CLSTN3: variants seen among roughly 807,000 people sequenced by gnomAD.
The protein encoded by CLSTN3 is calsyntenin 3, also known as calsyntenin-3.
A neutral mutation model predicts 95.9 loss-of-function variants in CLSTN3; 36 were observed. The ratio of observed to expected loss-of-function variants is 0.38; its 90% CI spans 0.29 to 0.50. The LOEUF (loss-of-function observed/expected upper bound fraction) is 0.50, where lower values mean the gene tolerates loss of function less well. Ranked by LOEUF, CLSTN3 falls within the 20% of genes least tolerant of loss-of-function variation. The pLI, the probability that CLSTN3 is intolerant of heterozygous loss-of-function variation, is 0.95. For missense variants in CLSTN3, 1,084 were observed against 1,268.8 expected (o/e 0.85, Z 2.21); for synonymous variants, 481 against 504.0 (o/e 0.95, Z 0.61).
Position 7,150,800 on chromosome 12 carries a change from T to C in CLSTN3, c.2391+111T>C. 1 of 1,554,224 alleles carries C rather than the reference T, an allele frequency of 6.4e-7. No individual in the cohort carries two copies. The highest frequency in any genetic ancestry group is 8.8e-7 in the Non-Finnish European group (1 of 1,141,168). On this transcript the variant is annotated intron_variant, in intron 15 of 17. Transcript: ENST00000266546. The surrounding 1 kb of genome is among the most constrained non-coding windows in gnomAD (Gnocchi z 4.0). ...GCATGGACATGGCAGCGTGGAGGGC[T>C]GCTGGACCTTGCAGTGGGTGGAGGA...
At chr12:7,143,425 G>A in intron 12 of CLSTN3, 114 bp downstream of exon 12, 2 of 1,210,700 alleles carry the variant, frequency 1.7e-6, no homozygotes, top group Non-Finnish European at 2.3e-6. Flanking sequence ...TATGGATGAG[G>A]AGATTGGGCC....
intron 4 of CLSTN3, 107 bp downstream of exon 4, chr12:7,135,642 C>T: frequency 7.3e-7 from 1 of 1,368,216 alleles, no homozygotes; most frequent in Non-Finnish European, 1.0e-6. Flanking sequence ...AGACCCTCAC[C>T]TCACCCTTCT....
At chr12:7,148,246 G>A (rs181900761) in intron 12 of CLSTN3, among the ~76,000 whole-genome samples, 15 of 152,220 alleles carry the variant, frequency 9.9e-5, no homozygotes, top group African/African-American at 3.6e-4. Flanking sequence ...ACTGGCAAGG[G>A]CTATTGATTG....
rs1311968279 is a variant in CLSTN3 at position 7,137,392 on chromosome 12, C to T, written c.1210+282C>T. 2 of 423,222 alleles carry T rather than the reference C, an allele frequency of 4.7e-6. No homozygotes were observed. The highest frequency in any genetic ancestry group is 4.4e-6 in the Non-Finnish European group (1 of 229,500). The allele number at this position is 423,222 out of a possible 1,614,324, so 26.2% of individuals were successfully genotyped here. ...CCATGTGGTAGGCTGTCCCCACCCC[C>T]CATCTCCACCTCCATTAAAGCCCCT... On this transcript the variant is annotated intron_variant, in intron 7 of 17. Transcript: ENST00000266546. This position sits in a 1 kb window ranked among gnomAD's most constrained non-coding sequence, Gnocchi z 4.4.
Position 7,157,677 on chromosome 12 carries a change from G to T in CLSTN3, c.2716G>T (p.Val906Leu). ...GGATGACTCAGCTCTCACCATCATTGTGAACCCCATGGAGGTGAGAGGCCT... is the reference window on the plus strand; with the variant it reads ...GGATGACTCAGCTCTCACCATCATTTTGAACCCCATGGAGGTGAGAGGCCT... The part of the protein sequence containing the change: ...FWDDSALTII[V>L]NPMESYQNRQ... The change falls in exon 17 of 18, where the codon GTG becomes TTG. Residue 906 changes from valine (V) to leucine (L), a missense_variant. Transcript: ENST00000266546. This position sits in a 1 kb window ranked among gnomAD's most constrained non-coding sequence, Gnocchi z 5.9. 2.5e-6 allele frequency: 4 copies of T among 1,590,968 alleles called. No individual in the cohort carries two copies. The highest frequency in any genetic ancestry group is 1.1e-5 in the South Asian group (1 of 88,030).
chr12:7,132,799 C>T, intron 1 of CLSTN3: 1 of 613,796 alleles, frequency 1.6e-6, no homozygotes, highest in East Asian at 2.7e-5. Flanking sequence ...TCCATGGGAA[C>T]TGTCTACCCT....
At position 7,149,830 on chromosome 12, in the gene CLSTN3, G is replaced by C. The variant is rs1468733393; in HGVS notation, c.2245+137G>C. ...CGTTTTGCATTTTCCTAGCCTGGAA[G>C]ATCCTCTGGCTTTGATTGTCCCTAG... On this transcript the variant is annotated intron_variant, in intron 14 of 17. Transcript: ENST00000266546. This position sits in a 1 kb window ranked among gnomAD's most constrained non-coding sequence, Gnocchi z 4.5. The C allele has an allele frequency of 2.6e-6, 2 of 775,522 alleles. No homozygotes were observed. Among genetic ancestry groups the C allele is most frequent in the Non-Finnish European group, 4.0e-6 (2 of 495,826 alleles). 48.0% of individuals were successfully genotyped at this position (775,522 alleles called of 1,614,324 possible).
At chr12:7,129,715 G>A (rs1939241903), upstream of CLSTN3, 14 of 985,362 alleles carry the variant, frequency 1.4e-5, no homozygotes, top group South Asian at 2.3e-4. This position sits in a 1 kb window ranked among gnomAD's most constrained non-coding sequence, Gnocchi z 5.5. Context: ...TCTCGAACCT[G>A]CCATCGTCCC....
Position 7,142,810 on chromosome 12 carries a change from G to A in CLSTN3, c.1541-59G>A, listed in dbSNP as rs139935656. On this transcript the variant is annotated intron_variant, in intron 10 of 17. Transcript: ENST00000266546. Reference sequence around the variant, plus strand: ...CTCCTTTCCCTTTCTCTCAGCCTTCGTCCTTTTCCATCCTCCTCTCTTCTC... The same window carrying A: ...CTCCTTTCCCTTTCTCTCAGCCTTCATCCTTTTCCATCCTCCTCTCTTCTC... 1.4e-4 allele frequency: 206 copies of A among 1,482,150 alleles called. 1 individual carries two copies. The African/African-American group carries it at 2.6e-3, about 19-fold the overall frequency. The allele number at this position is 1,482,150 out of a possible 1,614,324, so 91.8% of individuals were successfully genotyped here. A position where few individuals can be genotyped will look rare whatever the true frequency, so the allele number is the denominator to read the frequency against.
chr12:7,143,545 A>G (rs909116936), intron 12 of CLSTN3, among the ~76,000 whole-genome samples: 34 of 152,228 alleles, frequency 2.2e-4, no homozygotes, highest in African/African-American at 7.7e-4. Flanking sequence ...CTACCAAGTC[A>G]CACATCTAGG....
rs1939345506 is a variant in CLSTN3 at position 7,133,555 on chromosome 12, C to A, written c.188-18C>A. On this transcript the variant is annotated intron_variant, in intron 2 of 17. Coordinates refer to ENST00000266546, the MANE Select transcript of CLSTN3 (RefSeq NM_014718.4). This position sits in a 1 kb window ranked among gnomAD's most constrained non-coding sequence, Gnocchi z 4.7. ...GGAGACACAGCAGCCTCACTCCTCCCCTTCTCCCCTTTGCCAGGTGAGATC... is the reference window on the plus strand; with the variant it reads ...GGAGACACAGCAGCCTCACTCCTCCACTTCTCCCCTTTGCCAGGTGAGATC... The A allele has an allele frequency of 6.2e-7, 1 of 1,613,144 alleles. No individual in the cohort carries two copies. Among genetic ancestry groups the A allele is most frequent in the Non-Finnish European group, 8.5e-7 (1 of 1,179,602 alleles).
Position 7,158,367 on chromosome 12 carries a change from A to C in CLSTN3, c.*286A>C. 2.7e-5 allele frequency: 7 copies of C among 262,048 alleles called. No homozygotes were observed. The highest frequency in any genetic ancestry group is 8.5e-5 in the East Asian group (1 of 11,798). The allele number at this position is 262,048 out of a possible 1,614,324, so 16.2% of individuals were successfully genotyped here. ...GACTTCAGCTGCCTTTCTACCCCCA[A>C]TGGCAGCTGCCCCCTTAGCACTCAC... is the stretch of plus-strand genomic sequence containing the variant. On this transcript the variant is annotated 3_prime_UTR_variant, in exon 18 of 18. Coordinates refer to ENST00000266546, the MANE Select transcript of CLSTN3 (RefSeq NM_014718.4).
Position 7,137,995 on chromosome 12 carries a change from T to C in CLSTN3, c.1251T>C (p.Cys417=). The C allele has an allele frequency of 6.2e-7, 1 of 1,613,970 alleles. No individual in the cohort carries two copies. The highest frequency in any genetic ancestry group is 8.5e-7 in the Non-Finnish European group (1 of 1,179,974). ...FSHYSLTVHG[C]RIAFLYWPLL... ...ACTACTCGCTGACTGTCCACGGCTG[T>C]AGGATTGCCTTCCTCTACTGGCCCC... The change falls in exon 8 of 18, where the codon TGT becomes TGC. Residue 417 remains cysteine, a synonymous_variant. Coordinates refer to ENST00000266546, the MANE Select transcript of CLSTN3 (RefSeq NM_014718.4). This position sits in a 1 kb window ranked among gnomAD's most constrained non-coding sequence, Gnocchi z 4.4.
chr12:7,136,294 C>T lies in CLSTN3; in HGVS notation c.831C>T (p.Leu277=), dbSNP rs748241137. 13 of 1,614,096 alleles carry T rather than the reference C, an allele frequency of 8.1e-6. No individual in the cohort carries two copies. The Admixed American group carries it at 2.2e-4, about 27-fold the overall frequency. Reference sequence around the variant, plus strand: ...GCCTGGAGACCTGTGATGAACCACTCTGGAACATTCAGGCCACCATAGAGC... The same window carrying T: ...GCCTGGAGACCTGTGATGAACCACTTTGGAACATTCAGGCCACCATAGAGC... ...GIRLETCDEP[L]WNIQATIELQ... Residue 277 remains leucine, a synonymous_variant, in exon 6 of 18, where the codon CTC becomes CTT. Transcript: ENST00000266546.
In CLSTN3 at chr12:7,137,167, C is replaced by G; in HGVS notation, c.1210+57C>G. 5.2e-6 allele frequency: 8 copies of G among 1,528,862 alleles called. No homozygotes were observed. Among genetic ancestry groups the G allele is most frequent in the Non-Finnish European group, 6.2e-6 (7 of 1,131,328 alleles). The allele number at this position is 1,528,862 out of a possible 1,614,324, so 94.7% of individuals were successfully genotyped here. On this transcript the variant is annotated intron_variant, in intron 7 of 17. Transcript: ENST00000266546. The surrounding 1 kb of genome is among the most constrained non-coding windows in gnomAD (Gnocchi z 4.4). Reference sequence around the variant, plus strand: ...GGGAAACTGGCTTCTTGTCCCGCCTCTGTCACTGCCCAGTGTGTGACTGTG... The same window carrying G: ...GGGAAACTGGCTTCTTGTCCCGCCTGTGTCACTGCCCAGTGTGTGACTGTG...
chr12:7,131,745 G>C (rs1342141790), intron 1 of CLSTN3: 1 of 401,252 alleles, frequency 2.5e-6, no homozygotes, highest in Non-Finnish European at 4.8e-6. Flanking sequence ...CCTCAGCCTC[G>C]CCTCCTAGCC....
rs768487238 is a variant in CLSTN3 at position 7,137,795 on chromosome 12, T to TGTGTGTGTGTGAGA, written c.1211-159_1211-158insTGTGTGTGTGAGAG. Among the ~76,000 whole-genome samples the TGTGTGTGTGTGAGA allele has an allele frequency of 4.4e-3, 310 of 70,658 alleles. 3 individuals are homozygous for TGTGTGTGTGTGAGA. Among genetic ancestry groups the TGTGTGTGTGTGAGA allele is most frequent in the South Asian group, 1.0e-2 (13 of 1,304 alleles). The allele number at this position is 70,658 out of a possible 152,430, so 46.4% of individuals were successfully genotyped here. ...GTGTGTGTGTGTGTGTGTGTGTGTG[T>TGTGTGTGTGTGAGA]GAGAGAGAGAGAGAGAGAGAGAGAG... On this transcript the variant is annotated intron_variant, in intron 7 of 17. Transcript: ENST00000266546. This position sits in a 1 kb window ranked among gnomAD's most constrained non-coding sequence, Gnocchi z 4.4.
Position 7,150,449 on chromosome 12 carries a change from T to C in CLSTN3, c.2246-95T>C. ...AGATGGGGCTGACCTGCTCTACAGC[T>C]TGTGTGGCGTCAGCTGGTGGGAGTC... On this transcript the variant is annotated intron_variant, in intron 14 of 17. Coordinates refer to ENST00000266546, the MANE Select transcript of CLSTN3 (RefSeq NM_014718.4). The surrounding 1 kb of genome is among the most constrained non-coding windows in gnomAD (Gnocchi z 4.0). 1 of 1,447,558 alleles carries C rather than the reference T, an allele frequency of 6.9e-7. No individual in the cohort carries two copies. The highest frequency in any genetic ancestry group is 9.3e-7 in the Non-Finnish European group (1 of 1,071,802). 89.7% of individuals were successfully genotyped at this position (1,447,558 alleles called of 1,614,324 possible). A position where few individuals can be genotyped will look rare whatever the true frequency, so the allele number is the denominator to read the frequency against.
In CLSTN3 at chr12:7,137,795, T is replaced by TGTGTGTGTGTGTGA. The variant is rs768487238; in HGVS notation, c.1211-159_1211-158insTGTGTGTGTGTGAG. Among the ~76,000 whole-genome samples the TGTGTGTGTGTGTGA allele has an allele frequency of 5.5e-3, 392 of 70,644 alleles. 6 individuals carry two copies. The highest frequency in any genetic ancestry group is 0.019 in the African/African-American group (368 of 19,430). The allele number at this position is 70,644 out of a possible 152,430, so 46.3% of individuals were successfully genotyped here. ...GTGTGTGTGTGTGTGTGTGTGTGTGTGAGAGAGAGAGAGAGAGAGAGAGAG... is the reference window on the plus strand; with the variant it reads ...GTGTGTGTGTGTGTGTGTGTGTGTGTGTGTGTGTGTGTGAGAGAGAGAGAGAGAGAGAGAGAGAG... On this transcript the variant is annotated intron_variant, in intron 7 of 17. Coordinates refer to ENST00000266546, the MANE Select transcript of CLSTN3 (RefSeq NM_014718.4). This position sits in a 1 kb window ranked among gnomAD's most constrained non-coding sequence, Gnocchi z 4.4.
Sources: allele counts gnomAD v4.1 joint callset (sites outside exome capture counted in the v4.1 genomes callset), GRCh38; gene constraint gnomAD v4.1.1; non-coding constraint Gnocchi (gnomAD v3.1); transcripts MANE v1.5; gene names NCBI Gene and HGNC (gene_info 2026-07-23, HGNC 2026-07-21).